The following IPO11 variants were observed in gnomAD, a reference collection of about 807,000 sequenced individuals.
The protein encoded by IPO11 is importin 11, also known as importin-11.
Under a neutral mutation model 143.2 loss-of-function variants are expected in IPO11, and 66 were observed. The observed-to-expected ratio is 0.46, with a 90% CI of 0.38 to 0.57. The LOEUF is 0.57. Ranked by LOEUF, IPO11 falls within the 20% of genes least tolerant of loss-of-function variation. IPO11 has a pLI of 0.00. For missense variants in IPO11, 1,026 were observed against 1,141.0 expected, an observed-to-expected ratio of 0.90 and a Z score of 1.45; for synonymous variants, 385 against 377.8, an observed-to-expected ratio of 1.02 and a Z score of -0.22.
chr5:62,418,957 A>C (rs926380157), intron 1 of IPO11: 2 of 1,528,776 alleles, frequency 1.3e-6, no homozygotes, highest in Non-Finnish European at 1.8e-6. Flanking sequence ...ATACATCCTG[A>C]GAAATGGGTC....
intron 16 of IPO11, among the ~76,000 whole-genome samples, chr5:62,500,717 CA>C (rs1741319048): frequency 6.6e-6 from 1 of 152,126 alleles, no homozygotes; most frequent in Non-Finnish European, 1.5e-5. Flanking sequence ...AGGCTGCTCT[CA>C]AACTTTGAGC....
Position 62,531,941 on chromosome 5 carries a change from G to A in IPO11, c.2089+1156G>A, listed in dbSNP as rs116433396. Among the ~76,000 whole-genome samples the A allele has an allele frequency of 3.2e-3, 491 of 152,218 alleles. 1 individual carries two copies. The highest frequency in any genetic ancestry group is 5.2e-3 in the Non-Finnish European group (357 of 68,008). The stretch of plus-strand genomic sequence containing the variant: ...AATAGGTGTTGATCTACTAGAAAAA[G>A]AGAATAGGGTTCTTTGGTGAAGGCC... On this transcript the variant is annotated intron_variant, in intron 22 of 29. Transcript: ENST00000325324.
chr5:62,471,135 CTT>C (rs376825469), intron 7 of IPO11, among the ~76,000 whole-genome samples: 8 of 137,804 alleles, frequency 5.8e-5, no homozygotes, highest in Admixed American at 1.4e-4. Context: ...AGTTGCATTT[CTT>C]TTTTTTTTTT....
intron 1 of IPO11, among the ~76,000 whole-genome samples, chr5:62,417,120 G>GT (rs34609055): frequency 0.32 from 47,223 of 146,352 alleles, 7,898 homozygotes; most frequent in East Asian, 0.51. Flanking sequence ...ATTTTTCTTA[G>GT]TTTTTTTTTT....
At chr5:62,520,501 C>A (rs1742168746) in intron 20 of IPO11, among the ~76,000 whole-genome samples, 1 of 152,016 alleles carries the variant, frequency 6.6e-6, no homozygotes, top group Admixed American at 6.6e-5. Flanking sequence ...TTAGGTATAT[C>A]TCCTAATGTT....
chr5:62,583,786 T>A (rs1282148895), intron 27 of IPO11, among the ~76,000 whole-genome samples: 1 of 152,198 alleles, frequency 6.6e-6, no homozygotes, highest in Non-Finnish European at 1.5e-5. Context: ...ATTTCATTGT[T>A]TCACATTTTG....
At chr5:62,540,227 A>C (rs1482308182) in intron 24 of IPO11, among the ~76,000 whole-genome samples, 1 of 151,898 alleles carries the variant, frequency 6.6e-6, no homozygotes, top group African/African-American at 2.4e-5. Context: ...TGGTTTGCGT[A>C]TGCTGCCCTG....
chr5:62,519,582 T>G (rs1179151086), intron 20 of IPO11, among the ~76,000 whole-genome samples: 3 of 152,230 alleles, frequency 2.0e-5, no homozygotes, highest in Non-Finnish European at 2.9e-5. Flanking sequence ...TATATCATTA[T>G]GTCATGATTA....
At chr5:62,460,728 GT>G (rs1745328463) in intron 5 of IPO11, among the ~76,000 whole-genome samples, 1 of 152,084 alleles carries the variant, frequency 6.6e-6, no homozygotes, top group African/African-American at 2.4e-5. Context: ...GTATTTGGGG[GT>G]TTCATGAACT....
chr5:62,567,896 G>A (rs573455616), intron 27 of IPO11, among the ~76,000 whole-genome samples: 3 of 151,022 alleles, frequency 2.0e-5, no homozygotes, highest in East Asian at 3.9e-4. Flanking sequence ...CATAGATCTC[G>A]TAAGCCTTAT....
chr5:62,418,864 G>C (rs1451831154), intron 1 of IPO11: 1 of 848,248 alleles, frequency 1.2e-6, no homozygotes, highest in Middle Eastern at 2.3e-4. Flanking sequence ...TTATATGCCT[G>C]TGCAGGGGTT....
At chr5:62,531,530 G>T (rs757644398) in intron 22 of IPO11, among the ~76,000 whole-genome samples, 1 of 151,954 alleles carries the variant, frequency 6.6e-6, no homozygotes, top group African/African-American at 2.4e-5. Context: ...GGGTTTCACC[G>T]TGCTGGCCAG....
chr5:62,425,103 C>T (rs931428871), intron 1 of IPO11, among the ~76,000 whole-genome samples: 1 of 152,098 alleles, frequency 6.6e-6, no homozygotes, highest in Non-Finnish European at 1.5e-5. Flanking sequence ...TCTAGGCTCC[C>T]ATTCATTTCT....
At chr5:62,603,572 G>C (rs77162785) in intron 29 of IPO11, among the ~76,000 whole-genome samples, 4,625 of 152,292 alleles carry the variant, frequency 0.03, 230 homozygotes, top group African/African-American at 0.11. Context: ...GTCCTGGACA[G>C]GACACCATTT....
At chr5:62,536,925 T>G in intron 23 of IPO11, 144 bp downstream of exon 23, 1 of 1,013,488 alleles carries the variant, frequency 9.9e-7, no homozygotes. Flanking sequence ...CATTTCCCAT[T>G]GCAGGGCAGA....
intron 22 of IPO11, among the ~76,000 whole-genome samples, chr5:62,535,297 C>G (rs571907943): frequency 6.6e-6 from 1 of 151,998 alleles, no homozygotes; most frequent in East Asian, 1.9e-4. Context: ...TTCCCTGATA[C>G]GTCTGGAATG....
At chr5:62,437,129 T>C in intron 1 of IPO11, 145 bp from the exon 2 acceptor site, 1 of 534,014 alleles carries the variant, frequency 1.9e-6, no homozygotes, top group Non-Finnish European at 3.1e-6. Context: ...TGGGGTATAC[T>C]TAGAAAAGAT....
At chr5:62,457,299 G>A (rs1055551749) in intron 5 of IPO11, among the ~76,000 whole-genome samples, 2 of 151,944 alleles carry the variant, frequency 1.3e-5, no homozygotes, top group Non-Finnish European at 2.9e-5. Context: ...ACTAGTCTAG[G>A]CAACATAGTG....
intron 29 of IPO11, among the ~76,000 whole-genome samples, chr5:62,609,016 G>A (rs1016446759): frequency 6.6e-6 from 1 of 152,134 alleles, no homozygotes; most frequent in Non-Finnish European, 1.5e-5. Flanking sequence ...AGCCTCATAT[G>A]ATTTTTATTC....
Sources: allele counts gnomAD v4.1 joint callset (sites outside exome capture counted in the v4.1 genomes callset), GRCh38; gene constraint gnomAD v4.1.1; transcripts MANE v1.5; gene names NCBI Gene and HGNC (gene_info 2026-07-23, HGNC 2026-07-21).